The following SHPRH variants were observed in gnomAD, a reference collection of about 807,000 sequenced individuals.
The protein encoded by SHPRH is SNF2 histone linker PHD RING helicase, also known as E3 ubiquitin-protein ligase SHPRH.
In SHPRH, 106 loss-of-function variants were observed where a neutral mutation model predicts 202.5. The observed-to-expected ratio is 0.52, with a 90% confidence interval of 0.45 to 0.62. The LOEUF (loss-of-function observed/expected upper bound fraction) is 0.62, where lower values mean the gene tolerates loss of function less well. Ranked by LOEUF, SHPRH falls within the 20% of genes least tolerant of loss-of-function variation. The pLI, the probability that SHPRH is intolerant of heterozygous loss-of-function variation, is 0.00. For missense variants in SHPRH, 1,710 were observed against 2,020.0 expected, an observed-to-expected ratio of 0.85 and a Z score of 2.94; for synonymous variants, 729 against 686.0, an observed-to-expected ratio of 1.06 and a Z score of -0.98.
At chr6:145,920,198 C>T (rs992451801) in intron 21 of SHPRH, among the ~76,000 whole-genome samples, 1 of 152,056 alleles carries the variant, frequency 6.6e-6, no homozygotes, top group Non-Finnish European at 1.5e-5. Context: ...AATTGCTCTT[C>T]TGTGAAAAGG....
In SHPRH at chr6:145,963,891, C is replaced by G. The variant is rs1246703236; in HGVS notation, c.-193G>C. 6.6e-6 allele frequency: 1 copy of G among 152,294 alleles called. No individual in the cohort carries two copies. Among genetic ancestry groups the G allele is most frequent in the Non-Finnish European group, 1.5e-5 (1 of 68,078 alleles). The allele number at this position is 152,294 out of a possible 1,614,324, so 9.4% of individuals were successfully genotyped here. ...GTGTGTTGGACGCTCGAGACAAACACCGCAGGCCCCAGTGCATGAGGAGAA... is the reference window on the plus strand; with the variant it reads ...GTGTGTTGGACGCTCGAGACAAACAGCGCAGGCCCCAGTGCATGAGGAGAA... On this transcript the variant is annotated 5_prime_UTR_variant, in exon 1 of 30. Coordinates refer to ENST00000275233, the MANE Select transcript of SHPRH (RefSeq NM_001042683.3).
rs370329124 is a variant in SHPRH at position 145,955,124 on chromosome 6, G to A, written c.199C>T (p.His67Tyr). Residue 67 changes from histidine (H) to tyrosine (Y), a missense_variant, in exon 2 of 30, where the codon CAC becomes TAC. By Grantham distance (83) the His-to-Tyr change is moderately conservative. This residue lies in a region of SHPRH where 459 missense variants were observed against 426.5 expected (regional missense o/e 1.08). Coordinates refer to ENST00000275233, the MANE Select transcript of SHPRH (RefSeq NM_001042683.3). ...TTTGAACACCTCTTCTTATCTCTGT[G>A]AGCCACTTCTTCCTTTAGACTATCA... The part of the protein sequence containing the change: ...LSDSLKEEVA[H>Y]RDKKRCSKVV... 6.2e-6 allele frequency: 10 copies of A among 1,613,440 alleles called. No homozygotes were observed. Among genetic ancestry groups the A allele is most frequent in the African/African-American group, 1.3e-5 (1 of 74,874 alleles).
intron 1 of SHPRH, among the ~76,000 whole-genome samples, 185 bp downstream of exon 1, chr6:145,963,546 T>C (rs1369665739): frequency 6.6e-6 from 1 of 152,206 alleles, no homozygotes; most frequent in African/African-American, 2.4e-5. Flanking sequence ...AGTCAAACTG[T>C]ACAATGTCAA....
At chr6:145,932,963 A>T (rs1785628818) in intron 14 of SHPRH, 94 bp downstream of exon 14, 304 of 1,115,428 alleles carry the variant, frequency 2.7e-4, no homozygotes, top group Non-Finnish European at 3.4e-4. Flanking sequence ...TGGGGGAAAA[A>T]TCCCCCCCCC....
At chr6:145,905,174 T>G (rs1251262735) in intron 25 of SHPRH, 1 of 152,150 alleles carries the variant, frequency 6.6e-6, no homozygotes, top group Admixed American at 6.6e-5. Flanking sequence ...CCACCTCTTC[T>G]TAGCCACAAA....
At chr6:145,936,984 T>C (rs866445275) in intron 11 of SHPRH, among the ~76,000 whole-genome samples, 6,073 of 143,912 alleles carry the variant, frequency 0.042, 456 homozygotes, top group African/African-American at 0.14. Flanking sequence ...TCATCTTTTT[T>C]TTTTTTTTTT....
At chr6:145,957,760 G>T (rs1464692989) in intron 1 of SHPRH, among the ~76,000 whole-genome samples, 2 of 152,156 alleles carry the variant, frequency 1.3e-5, no homozygotes, top group East Asian at 3.8e-4. Flanking sequence ...AGTCACTTTG[G>T]AAAAGTATCA....
chr6:145,887,291 G>A (rs552475573), intron 29 of SHPRH, among the ~76,000 whole-genome samples: 1 of 152,182 alleles, frequency 6.6e-6, no homozygotes, highest in South Asian at 2.1e-4. Context: ...GTTTCAAATT[G>A]CTTCTTTGCT....
intron 1 of SHPRH, among the ~76,000 whole-genome samples, chr6:145,960,312 G>C (rs1397829770): frequency 1.3e-5 from 2 of 152,142 alleles, no homozygotes; most frequent in Non-Finnish European, 2.9e-5. Context: ...CATATCCATG[G>C]ACCCAATGTC....
intron 14 of SHPRH, among the ~76,000 whole-genome samples, chr6:145,931,455 T>A (rs1230883892): frequency 6.6e-6 from 1 of 151,986 alleles, no homozygotes; most frequent in Non-Finnish European, 1.5e-5. Context: ...GGGGTTCAAG[T>A]GATTCTCCTG....
Position 145,935,080 on chromosome 6 carries a change from C to T in SHPRH, c.2817G>A (p.Glu939=), listed in dbSNP as rs1277190075. Residue 939 remains glutamate, a synonymous_variant, in exon 13 of 30, where the codon GAG becomes GAA. Transcript: ENST00000275233. ...VERHFYHRQH[E]VCCQDVVVKL... ...TTACCACCACATCCTGGCAGCACACCTCATGCTGACGGTGATAGAAATGCC... is the reference window on the plus strand; with the variant it reads ...TTACCACCACATCCTGGCAGCACACTTCATGCTGACGGTGATAGAAATGCC... 6.2e-7 allele frequency: 1 copy of T among 1,613,712 alleles called. No homozygotes were observed. The highest frequency in any genetic ancestry group is 1.1e-5 in the South Asian group (1 of 91,062).
chr6:145,887,950 G>T, intron 29 of SHPRH, 70 bp downstream of exon 29: 1 of 1,198,076 alleles, frequency 8.3e-7, no homozygotes, highest in South Asian at 1.3e-5. Flanking sequence ...TCTAAGTGAA[G>T]AAGTTCTAAA....
rs75140867 is a variant in SHPRH, at chr6:145,877,295, C to T, written c.221+10725G>A. On this transcript the variant is annotated intron_variant, in intron 2 of 2. Coordinates refer to the SHPRH transcript ENST00000417762. ...TCCTACCAGCAATGTTTGAGGGTTC[C>T]AATTTTCTGTATCCTTAACAAAACT... 2.3e-3 allele frequency among the ~76,000 whole-genome samples: 353 copies of T among 152,272 alleles called. 5 individuals carry two copies. The East Asian group carries it at 0.04, about 17-fold the overall frequency.
Position 145,886,257 on chromosome 6 carries a change from G to A in SHPRH, c.*434C>T. 1 of 486,140 alleles carries A rather than the reference G, an allele frequency of 2.1e-6. No homozygotes were observed. Among genetic ancestry groups the A allele is most frequent in the Non-Finnish European group, 3.8e-6 (1 of 259,878 alleles). The allele number at this position is 486,140 out of a possible 1,614,324, so 30.1% of individuals were successfully genotyped here. A position where few individuals can be genotyped will look rare whatever the true frequency, so the allele number is the denominator to read the frequency against. The stretch of plus-strand genomic sequence containing the variant: ...CTTAAAATATTACTAACAAGATATT[G>A]GTGAATCATGTGCTAAAGATACTGA... On this transcript the variant is annotated 3_prime_UTR_variant, in exon 30 of 30. Coordinates refer to ENST00000275233, the MANE Select transcript of SHPRH (RefSeq NM_001042683.3).
chr6:145,893,148 T>C (rs1583313081), intron 28 of SHPRH, 67 bp downstream of exon 28: 1 of 1,379,384 alleles, frequency 7.2e-7, no homozygotes, highest in Admixed American at 2.9e-5. Context: ...AAATGAAGAG[T>C]TTAAATACTG....
chr6:145,892,617 T>C (rs976342400), intron 28 of SHPRH, among the ~76,000 whole-genome samples: 1 of 152,120 alleles, frequency 6.6e-6, no homozygotes, highest in Non-Finnish European at 1.5e-5. Flanking sequence ...GTAATACATT[T>C]AGCAGGCCTT....
chr6:145,957,995 GAGACTTCTGTAAAAT>G lies in SHPRH; in HGVS notation c.-32-2656_-32-2642del, dbSNP rs149429521. The stretch of plus-strand genomic sequence containing the variant: ...ATGGAATACTATTCTGTGATAAAAA[GAGACTTCTGTAAAAT>G]AACCTGAATGAACTGTTAAAGCATT... On this transcript the variant is annotated intron_variant, in intron 1 of 29. Coordinates refer to ENST00000275233, the MANE Select transcript of SHPRH (RefSeq NM_001042683.3). Among the ~76,000 whole-genome samples the G allele has an allele frequency of 3.7e-3, 571 of 152,282 alleles. 4 individuals carry two copies. Among genetic ancestry groups the G allele is most frequent in the African/African-American group, 0.013 (547 of 41,554 alleles).
At chr6:145,903,265 GTTTAT>G (rs1185629147) in intron 25 of SHPRH, 9 of 151,070 alleles carry the variant, frequency 6.0e-5, no homozygotes, top group South Asian at 2.1e-4. Flanking sequence ...TCACTCAGAT[GTTTAT>G]TTTAATTATA....
intron 11 of SHPRH, among the ~76,000 whole-genome samples, chr6:145,940,238 T>C (rs547061105): frequency 6.6e-6 from 1 of 152,164 alleles, no homozygotes; most frequent in Non-Finnish European, 1.5e-5. Context: ...ATAAGACTAC[T>C]AATAACTTAT....
Sources: allele counts gnomAD v4.1 joint callset (sites outside exome capture counted in the v4.1 genomes callset), GRCh38; gene constraint gnomAD v4.1.1; regional missense constraint gnomAD v4.1.1; transcripts MANE v1.5; gene names NCBI Gene and HGNC (gene_info 2026-07-23, HGNC 2026-07-21).